The following IMPA2 variants were observed in gnomAD, a reference collection of about 807,000 sequenced individuals.
IMPA2 encodes the protein inositol monophosphatase 2.
IMPA2 carries 32 observed loss-of-function variants against 35.1 expected under a neutral mutation model. The ratio of observed to expected loss-of-function variants is 0.91; its 90% CI spans 0.69 to 1.23. IMPA2 has a LOEUF of 1.23. Among genes scored for constraint, IMPA2 ranks in the 50% most tolerant of loss-of-function variants. The probability of loss-of-function intolerance (pLI) is 0.00; values close to 1 mark genes in which losing one functional copy is unlikely to be tolerated. For synonymous variants in IMPA2, 135 were observed against 160.6 expected, an observed-to-expected ratio of 0.84 and a Z score of 1.20; for missense variants, 334 against 387.6, an observed-to-expected ratio of 0.86 and a Z score of 1.16.
rs942726413 is a variant in IMPA2, at chr18:12,015,954, C to T, written c.490+1581C>T. Among the ~76,000 whole-genome samples, 22 of 152,328 alleles carry T rather than the reference C, an allele frequency of 1.4e-4. 1 individual carries two copies. The highest frequency in any genetic ancestry group is 5.0e-4 in the African/African-American group (21 of 41,586). On this transcript the variant is annotated intron_variant, in intron 5 of 7. Coordinates refer to ENST00000269159, the MANE Select transcript of IMPA2 (RefSeq NM_014214.3). Reference sequence around the variant, plus strand: ...AGGCTGCAACTCTGCGTCCTCCCAGCCTGCAGGCTGCTAGCTCAAGCACCA... The same window carrying T: ...AGGCTGCAACTCTGCGTCCTCCCAGTCTGCAGGCTGCTAGCTCAAGCACCA...
intron 5 of IMPA2, among the ~76,000 whole-genome samples, chr18:12,019,603 A>T (rs575514988): frequency 6.6e-6 from 1 of 152,000 alleles, no homozygotes; most frequent in Admixed American, 6.5e-5. Context: ...TGCAGTGTGA[A>T]ATCTAGTGGA....
At chr18:12,004,251 T>TA (rs1907193660) in intron 2 of IMPA2, among the ~76,000 whole-genome samples, 1 of 151,146 alleles carries the variant, frequency 6.6e-6, no homozygotes, top group African/African-American at 2.4e-5. Flanking sequence ...TGTCACAGAC[T>TA]AAACAGACTA....
chr18:11,997,962 GT>G lies in IMPA2; in HGVS notation c.97-1089del, dbSNP rs141965747. On this transcript the variant is annotated intron_variant, in intron 1 of 7. Coordinates refer to ENST00000269159, the MANE Select transcript of IMPA2 (RefSeq NM_014214.3). ...GTGGGAGGATCGCTTGAGCCCAGGA[GT>G]TTGAGATCTGCCTGGCTAGCATAGC... Among the ~76,000 whole-genome samples the G allele has an allele frequency of 5.8e-3, 881 of 152,286 alleles. 4 individuals are homozygous for G. Among genetic ancestry groups the G allele is most frequent in the Non-Finnish European group, 9.0e-3 (615 of 68,018 alleles).
intron 2 of IMPA2, among the ~76,000 whole-genome samples, chr18:12,003,668 AAG>A (rs1907177523): frequency 4.0e-5 from 1 of 24,892 alleles, no homozygotes. Context: ...AAAAAAAGAA[AAG>A]GAAAAAAAAA....
intron 1 of IMPA2, among the ~76,000 whole-genome samples, chr18:11,996,636 C>G (rs1906966213): frequency 6.6e-6 from 1 of 152,120 alleles, no homozygotes; most frequent in Non-Finnish European, 1.5e-5. Context: ...TGCTCTAGCT[C>G]CATGCTACTG....
At chr18:12,024,345 A>C (rs558917924) in intron 5 of IMPA2, among the ~76,000 whole-genome samples, 1 of 152,142 alleles carries the variant, frequency 6.6e-6, no homozygotes, top group Non-Finnish European at 1.5e-5. Flanking sequence ...TTAGCTGGGC[A>C]TGGTGGTGCG....
rs113414081 is a variant in IMPA2, at chr18:12,020,187, G to T, written c.490+5814G>T. ...CACACTCGGCCTTTATTTATTGATTGATTGATTGATTGATTGATTGATTGA... is the reference window on the plus strand; with the variant it reads ...CACACTCGGCCTTTATTTATTGATTTATTGATTGATTGATTGATTGATTGA... On this transcript the variant is annotated intron_variant, in intron 5 of 7. Transcript: ENST00000269159. Among the ~76,000 whole-genome samples the T allele has an allele frequency of 5.0e-3, 724 of 145,926 alleles. 7 individuals are homozygous for T. Among genetic ancestry groups the T allele is most frequent in the African/African-American group, 0.019 (685 of 36,998 alleles).
At chr18:11,996,774 C>T (rs944444030) in intron 1 of IMPA2, among the ~76,000 whole-genome samples, 3 of 152,142 alleles carry the variant, frequency 2.0e-5, no homozygotes, top group Non-Finnish European at 2.9e-5. Flanking sequence ...GCCATATCCT[C>T]TCTGGGGCTG....
intron 3 of IMPA2, among the ~76,000 whole-genome samples, chr18:12,011,100 G>A (rs79762285): frequency 0.11 from 17,145 of 152,176 alleles, 1,447 homozygotes; most frequent in East Asian, 0.42. Flanking sequence ...GTGAAGCCCC[G>A]TCACATGGTG....
intron 5 of IMPA2, among the ~76,000 whole-genome samples, chr18:12,022,360 C>T (rs1212417807): frequency 1.3e-5 from 2 of 151,496 alleles, no homozygotes; most frequent in Admixed American, 6.6e-5. Context: ...GGAGAAACCC[C>T]GTCTCTATTA....
chr18:12,026,218 A>T (rs955987807), intron 5 of IMPA2, among the ~76,000 whole-genome samples: 50 of 151,900 alleles, frequency 3.3e-4, no homozygotes, highest in African/African-American at 1.2e-3. Context: ...TTTTTAATAG[A>T]GATGGGGTTT....
At chr18:11,995,189 C>G (rs1352981601) in intron 1 of IMPA2, among the ~76,000 whole-genome samples, 1 of 152,182 alleles carries the variant, frequency 6.6e-6, no homozygotes, top group Non-Finnish European at 1.5e-5. Context: ...TGGTCTGCTC[C>G]ACAAAGTCAT....
intron 6 of IMPA2, 186 bp from the exon 7 acceptor site, chr18:12,028,656 C>T (rs1907950669): frequency 1.5e-6 from 1 of 664,592 alleles, no homozygotes; most frequent in African/African-American, 1.8e-5. Context: ...GCATTTGCGT[C>T]TGGCGGAGGC....
chr18:12,010,622 G>A lies in IMPA2; in HGVS notation c.335+635G>A, dbSNP rs868566486. 9.8e-4 allele frequency among the ~76,000 whole-genome samples: 150 copies of A among 152,308 alleles called. No individual in the cohort carries two copies. The highest frequency in any genetic ancestry group is 2.5e-3 in the Admixed American group (39 of 15,304). ...CAGGTGGCTGGGGGCCTGGGGCACA[G>A]AGCATGATGTGGCTTAAACGGAGCG... On this transcript the variant is annotated intron_variant, in intron 3 of 7. Coordinates refer to ENST00000269159, the MANE Select transcript of IMPA2 (RefSeq NM_014214.3). This position sits in a 1 kb window ranked among gnomAD's most constrained non-coding sequence, Gnocchi z 4.8.
At chr18:11,994,774 C>CAG (rs1392788882) in intron 1 of IMPA2, 1 of 152,406 alleles carries the variant, frequency 6.6e-6, no homozygotes, top group Non-Finnish European at 1.5e-5. Flanking sequence ...TGGACAGAGA[C>CAG]AGAGAGGGTA....
chr18:11,993,414 G>C (rs1464628310), intron 1 of IMPA2, among the ~76,000 whole-genome samples: 5 of 152,234 alleles, frequency 3.3e-5, no homozygotes, highest in African/African-American at 7.2e-5. Flanking sequence ...GTTGGTGACT[G>C]AAGGAAGCTA....
At position 12,000,756 on chromosome 18, in the gene IMPA2, C is replaced by T. The variant is rs1442479375; in HGVS notation, c.230+1569C>T. On this transcript the variant is annotated intron_variant, in intron 2 of 7. Coordinates refer to ENST00000269159, the MANE Select transcript of IMPA2 (RefSeq NM_014214.3). ...TCAGCCTCCTGAGTAGCTGGGACTACAGGTGCCCGCCACCACGCCCAGCTA... is the reference window on the plus strand; with the variant it reads ...TCAGCCTCCTGAGTAGCTGGGACTATAGGTGCCCGCCACCACGCCCAGCTA... Among the ~76,000 whole-genome samples the T allele has an allele frequency of 2.0e-5, 3 of 151,184 alleles. No individual in the cohort carries two copies. In the East Asian group the frequency reaches 6.0e-4, roughly 30 times the overall value.
chr18:12,007,632 T>TTTTTCTTTC, intron 2 of IMPA2, among the ~76,000 whole-genome samples: 1 of 30,958 alleles, frequency 3.2e-5, no homozygotes. Context: ...TTCTTTCTTC[T>TTTTTCTTTC]TTCTTTCTTT....
At chr18:11,992,940 A>C (rs1479632050) in intron 1 of IMPA2, among the ~76,000 whole-genome samples, 1 of 152,220 alleles carries the variant, frequency 6.6e-6, no homozygotes, top group Non-Finnish European at 1.5e-5. Flanking sequence ...TTCGTGAATT[A>C]AACTTTTCTT....
Sources: allele counts gnomAD v4.1 joint callset (sites outside exome capture counted in the v4.1 genomes callset), GRCh38; gene constraint gnomAD v4.1.1; non-coding constraint Gnocchi (gnomAD v3.1); transcripts MANE v1.5; gene names NCBI Gene and HGNC (gene_info 2026-07-23, HGNC 2026-07-21).